KCNMB2: variants seen among roughly 807,000 people sequenced by gnomAD.
The protein encoded by KCNMB2 is calcium-activated potassium channel subunit beta-2.
A neutral mutation model predicts 24.5 loss-of-function variants in KCNMB2; 9 were observed. That is an observed-to-expected ratio of 0.37 (90% CI 0.22 to 0.64). KCNMB2 has a LOEUF of 0.64. Among genes scored for constraint, KCNMB2 ranks in the 30% least tolerant of loss-of-function variants. KCNMB2 has a pLI of 0.63. For synonymous variants in KCNMB2, 109 were observed against 104.4 expected (o/e 1.04, Z -0.27); for missense variants, 226 against 284.3 (o/e 0.79, Z 1.47).
intron 1 of KCNMB2, among the ~76,000 whole-genome samples, chr3:178,625,126 C>T (rs76426839): frequency 1.2e-4 from 18 of 151,926 alleles, no homozygotes; most frequent in African/African-American, 3.6e-4. Flanking sequence ...GGCCCTTCTT[C>T]CCCCCATCAC....
chr3:178,653,149 G>A (rs73042370), intron 1 of KCNMB2, among the ~76,000 whole-genome samples: 102 of 151,954 alleles, frequency 6.7e-4, no homozygotes, highest in African/African-American at 2.3e-3. Context: ...ATATTCTTTA[G>A]TAGGATCTTA....
At chr3:178,605,113 A>G (rs920793511) in intron 1 of KCNMB2, among the ~76,000 whole-genome samples, 1 of 152,168 alleles carries the variant, frequency 6.6e-6, no homozygotes, top group African/African-American at 2.4e-5. Context: ...CCTAAAATTC[A>G]TATTTTGAAA....
Position 178,654,380 on chromosome 3 carries a change from AT to A in KCNMB2, c.-68+117672del, listed in dbSNP as rs983787699. Among the ~76,000 whole-genome samples the A allele has an allele frequency of 2.6e-4, 39 of 152,202 alleles. 1 individual carries two copies. The highest frequency in any genetic ancestry group is 9.2e-4 in the African/African-American group (38 of 41,458). ...ATATGAGGGACATAGATAAAATAAT[AT>A]TTACAGGAAAATTTACAGCTTTGAA... is the stretch of plus-strand genomic sequence containing the variant. On this transcript the variant is annotated intron_variant, in intron 1 of 4. Coordinates refer to ENST00000452583, the MANE Select transcript of KCNMB2 (RefSeq NM_181361.3).
chr3:178,687,914 A>C (rs1362731816), intron 1 of KCNMB2, among the ~76,000 whole-genome samples: 1 of 152,210 alleles, frequency 6.6e-6, no homozygotes, highest in Non-Finnish European at 1.5e-5. Flanking sequence ...CTGAAAGGAA[A>C]AATATCTTTG....
Position 178,758,673 on chromosome 3 carries a change from G to GAT in KCNMB2, c.-67-48655_-67-48654dup, listed in dbSNP as rs1169653482. ...ATATATATATATCTCTCTCCAAGAG[G>GAT]ATATATATATATATATCTCTCTCTC... On this transcript the variant is annotated intron_variant, in intron 1 of 4. Transcript: ENST00000452583. Among the ~76,000 whole-genome samples, 35 of 30,266 alleles carry GAT rather than the reference G, an allele frequency of 1.2e-3. 6 individuals carry two copies. The highest frequency in any genetic ancestry group is 2.7e-3 in the African/African-American group (18 of 6,626). 19.9% of individuals were successfully genotyped at this position (30,266 alleles called of 152,430 possible).
chr3:178,759,489 CTCCAAGAGGATATAT>C (rs1711606043), intron 1 of KCNMB2, among the ~76,000 whole-genome samples: 7 of 87,228 alleles, frequency 8.0e-5, no homozygotes, highest in Non-Finnish European at 6.6e-5. Context: ...ATATATATAT[CTCCAAGAGGATATAT>C]ATATATCTCT....
In KCNMB2 at chr3:178,826,119, G is replaced by A. The variant is rs527765809; in HGVS notation, c.227+361G>A. 1.6e-4 allele frequency among the ~76,000 whole-genome samples: 24 copies of A among 152,148 alleles called. No homozygotes were observed. The Middle Eastern group carries it at 0.014, about 86-fold the overall frequency. On this transcript the variant is annotated intron_variant, in intron 3 of 4. Transcript: ENST00000452583. ...GAGCTAAGATTCAAGCCCACATCTCGCTTATTCCAAAGTCACTGTTCCTGC... is the reference window on the plus strand; with the variant it reads ...GAGCTAAGATTCAAGCCCACATCTCACTTATTCCAAAGTCACTGTTCCTGC...
intron 1 of KCNMB2, among the ~76,000 whole-genome samples, chr3:178,744,767 C>A (rs914918331): frequency 6.6e-6 from 1 of 151,698 alleles, no homozygotes; most frequent in Non-Finnish European, 1.5e-5. Context: ...CTGCAATGAA[C>A]CCAGGGCAGC....
chr3:178,754,215 A>G (rs1289432195), intron 1 of KCNMB2, among the ~76,000 whole-genome samples: 1 of 125,084 alleles, frequency 8.0e-6, no homozygotes, highest in Admixed American at 8.2e-5. Context: ...TATATATCAC[A>G]TTTTCTTTAT....
At chr3:178,545,161 G>A (rs773200354) in intron 1 of KCNMB2, among the ~76,000 whole-genome samples, 4 of 152,086 alleles carry the variant, frequency 2.6e-5, no homozygotes, top group African/African-American at 7.2e-5. Flanking sequence ...GATGCTGCCC[G>A]TTTGTTTGTA....
chr3:178,661,478 C>A (rs574392253), intron 1 of KCNMB2, among the ~76,000 whole-genome samples: 1 of 152,142 alleles, frequency 6.6e-6, no homozygotes, highest in African/African-American at 2.4e-5. Flanking sequence ...CACTAAACAG[C>A]TTTGTGAGCT....
chr3:178,649,827 T>C (rs935471618), intron 1 of KCNMB2, among the ~76,000 whole-genome samples: 47 of 58,008 alleles, frequency 8.1e-4, no homozygotes, highest in African/African-American at 1.7e-3. Context: ...CCTGGATTCA[T>C]TGACTTTTTT....
chr3:178,724,901 T>C (rs936601134), intron 1 of KCNMB2, among the ~76,000 whole-genome samples: 10 of 152,176 alleles, frequency 6.6e-5, no homozygotes, highest in Non-Finnish European at 1.2e-4. Context: ...TTTTGGTTAC[T>C]GTAGCTTTGT....
chr3:178,637,613 A>G (rs569691269), intron 1 of KCNMB2, among the ~76,000 whole-genome samples: 1 of 152,258 alleles, frequency 6.6e-6, no homozygotes, highest in Non-Finnish European at 1.5e-5. Context: ...GTTCTAATTC[A>G]GTAAATGAAT....
At chr3:178,734,527 A>T (rs186304185) in intron 1 of KCNMB2, among the ~76,000 whole-genome samples, 1 of 152,338 alleles carries the variant, frequency 6.6e-6, no homozygotes, top group East Asian at 1.9e-4. Flanking sequence ...AGAAAAAATT[A>T]GCTGCACAGC....
intron 1 of KCNMB2, among the ~76,000 whole-genome samples, chr3:178,771,151 C>A (rs1413669247): frequency 6.6e-6 from 1 of 152,126 alleles, no homozygotes; most frequent in East Asian, 1.9e-4. Flanking sequence ...ACTCTACAAT[C>A]AAATCCTGTC....
intron 1 of KCNMB2, among the ~76,000 whole-genome samples, chr3:178,692,155 T>C (rs1195960176): frequency 6.6e-6 from 1 of 152,220 alleles, no homozygotes; most frequent in Non-Finnish European, 1.5e-5. Flanking sequence ...CTTTGTCAGA[T>C]GCATAGTTTA....
chr3:178,810,359 A>G (rs1371121771), intron 2 of KCNMB2, among the ~76,000 whole-genome samples: 1 of 152,176 alleles, frequency 6.6e-6, no homozygotes, highest in Non-Finnish European at 1.5e-5. Flanking sequence ...AGGCCATACA[A>G]AATCCTCAGC....
intron 1 of KCNMB2, among the ~76,000 whole-genome samples, chr3:178,563,631 T>C (rs1489392201): frequency 1.3e-5 from 2 of 152,152 alleles, no homozygotes; most frequent in East Asian, 3.9e-4. Context: ...GAGAATCAAT[T>C]GAAGTCATAA....
Sources: gnomAD v4.1 joint callset for allele counts (sites outside exome capture counted in the v4.1 genomes callset) on GRCh38, gnomAD v4.1.1 for gene constraint, MANE v1.5 for transcripts, NCBI Gene and HGNC (gene_info 2026-07-23, HGNC 2026-07-21) for gene names.